Variants in RANBP2 observed in about 807,000 individuals in gnomAD.
The protein encoded by RANBP2 is E3 SUMO-protein ligase RanBP2.
RANBP2 carries 57 observed loss-of-function variants against 303.6 expected under a neutral mutation model. That is an observed-to-expected ratio of 0.19 (90% CI 0.15 to 0.23). The LOEUF (loss-of-function observed/expected upper bound fraction) is 0.23. Ranked by LOEUF, RANBP2 falls within the 10% of genes least tolerant of loss-of-function variation. The probability of loss-of-function intolerance (pLI) is 1.00; values close to 1 mark genes in which losing one functional copy is unlikely to be tolerated. For synonymous variants in RANBP2, 1,167 were observed against 1,301.5 expected (o/e 0.90, Z 2.23); for missense variants, 3,138 against 3,780.8 (o/e 0.83, Z 4.46).
the RANBP2 span, among the ~76,000 whole-genome samples, chr2:109,155,216 G>A: frequency 1.3e-5 from 2 of 152,176 alleles, no homozygotes; most frequent in South Asian, 2.1e-4. Context: ...TCTCATCCAT[G>A]GGCACCTTGC....
At chr2:109,626,153 T>C in the RANBP2 span, among the ~76,000 whole-genome samples, 7 of 152,304 alleles carry the variant, frequency 4.6e-5, no homozygotes, top group African/African-American at 1.7e-4. Context: ...CTTGAACTCA[T>C]TGACAGTAAC....
At chr2:109,370,248 T>TC in the RANBP2 span, among the ~76,000 whole-genome samples, 1 of 151,558 alleles carries the variant, frequency 6.6e-6, no homozygotes, top group African/African-American at 2.4e-5. Context: ...TCTTTTTCTT[T>TC]TTTTTTTTTA....
the RANBP2 span, among the ~76,000 whole-genome samples, chr2:109,187,134 A>G: frequency 2.0e-5 from 3 of 149,824 alleles, no homozygotes; most frequent in African/African-American, 4.8e-5. Context: ...GGTGAGGGAC[A>G]CAGGACTCTG....
At chr2:109,665,074 A>G in the RANBP2 span, 1 of 152,226 alleles carries the variant, frequency 6.6e-6, no homozygotes, top group African/African-American at 2.4e-5. Flanking sequence ...CTTATTATCA[A>G]AAAACCTTTA....
chr2:109,041,968 A>T, the RANBP2 span, among the ~76,000 whole-genome samples: 29 of 152,254 alleles, frequency 1.9e-4, no homozygotes, highest in South Asian at 5.8e-3. Context: ...CAAATTTTGC[A>T]TTGTTAGAAT....
chr2:109,531,348 G>T, the RANBP2 span, among the ~76,000 whole-genome samples: 1 of 152,178 alleles, frequency 6.6e-6, no homozygotes, highest in African/African-American at 2.4e-5. Context: ...CTGCAGAGGT[G>T]CCAGCTGTAA....
chr2:109,163,794 C>G, the RANBP2 span, among the ~76,000 whole-genome samples: 4 of 152,176 alleles, frequency 2.6e-5, no homozygotes, highest in East Asian at 3.9e-4. Context: ...AAGAATGAAA[C>G]TTCTTAATAA....
the RANBP2 span, among the ~76,000 whole-genome samples, chr2:109,205,899 G>C: frequency 6.6e-6 from 1 of 152,108 alleles, no homozygotes; most frequent in Non-Finnish European, 1.5e-5. Flanking sequence ...CCAACTGAAG[G>C]GTTATGAATT....
the RANBP2 span, among the ~76,000 whole-genome samples, chr2:109,173,399 C>T: frequency 2.6e-5 from 4 of 152,228 alleles, no homozygotes; most frequent in South Asian, 4.2e-4. Context: ...CAGATAAAGG[C>T]GGGTTATCTT....
At chr2:109,343,108 G>A in the RANBP2 span, among the ~76,000 whole-genome samples, 1 of 152,164 alleles carries the variant, frequency 6.6e-6, no homozygotes. Flanking sequence ...CCACCCTCCT[G>A]GGTGGGTGTG....
chr2:108,812,802 G>A, the RANBP2 span: 29 of 1,610,836 alleles, frequency 1.8e-5, no homozygotes, highest in African/African-American at 4.0e-5. Flanking sequence ...TTTAATTCAC[G>A]CATATATACT....
At chr2:109,526,258 C>T in the RANBP2 span, among the ~76,000 whole-genome samples, 1 of 152,188 alleles carries the variant, frequency 6.6e-6, no homozygotes, top group Non-Finnish European at 1.5e-5. Context: ...CTGCTGTTGC[C>T]TGTGGCCCTG....
the RANBP2 span, chr2:109,432,716 C>T: frequency 6.3e-7 from 1 of 1,579,198 alleles, no homozygotes; most frequent in South Asian, 1.2e-5. Flanking sequence ...AGGGCAAGGG[C>T]CTGCACGCCT....
chr2:109,493,537 C>T, the RANBP2 span, among the ~76,000 whole-genome samples: 1 of 151,366 alleles, frequency 6.6e-6, no homozygotes, highest in Non-Finnish European at 1.5e-5. Flanking sequence ...TACCCACACC[C>T]TTCACACACC....
the RANBP2 span, among the ~76,000 whole-genome samples, chr2:109,076,206 T>C: frequency 6.7e-6 from 1 of 150,188 alleles, no homozygotes. Context: ...ACCATCTCAA[T>C]AGATGCAGAA....
chr2:109,644,443 G>A, the RANBP2 span, among the ~76,000 whole-genome samples: 2 of 152,158 alleles, frequency 1.3e-5, no homozygotes, highest in African/African-American at 4.8e-5. Flanking sequence ...GGTTCCAATG[G>A]TATTGAAAAC....
the RANBP2 span, among the ~76,000 whole-genome samples, chr2:108,948,019 C>T: frequency 6.6e-6 from 1 of 152,248 alleles, no homozygotes; most frequent in African/African-American, 2.4e-5. Flanking sequence ...TGTGAATGCA[C>T]ATGACTGAAT....
At chr2:109,359,826 A>C in the RANBP2 span, among the ~76,000 whole-genome samples, 1 of 152,146 alleles carries the variant, frequency 6.6e-6, no homozygotes, top group East Asian at 1.9e-4. Flanking sequence ...TTTATTTTCC[A>C]CACATGCCCA....
At chr2:108,720,348 G>A (rs1252359296) in intron 1 of RANBP2, among the ~76,000 whole-genome samples, 1 of 146,688 alleles carries the variant, frequency 6.8e-6, no homozygotes, top group African/African-American at 2.7e-5. Flanking sequence ...TTTGGTAGCT[G>A]CCTTTGCTTA....
Sources: gnomAD v4.1 joint callset for allele counts (sites outside exome capture counted in the v4.1 genomes callset) on GRCh38, gnomAD v4.1.1 for gene constraint, MANE v1.5 for transcripts, NCBI Gene and HGNC (gene_info 2026-07-23, HGNC 2026-07-21) for gene names.